The following GCC2 variants were observed in gnomAD, a reference collection of about 807,000 sequenced individuals.
GCC2 encodes GRIP and coiled-coil domain-containing protein 2.
GCC2 carries 120 observed loss-of-function variants against 210.6 expected under a neutral mutation model. That is an observed-to-expected ratio of 0.57 (90% CI 0.49 to 0.66). The LOEUF (loss-of-function observed/expected upper bound fraction) is 0.66. Ranked by LOEUF, GCC2 falls within the 30% of genes least tolerant of loss-of-function variation. The pLI, the probability that GCC2 is intolerant of heterozygous loss-of-function variation, is 0.00. For synonymous variants in GCC2, 703 were observed against 652.7 expected, an observed-to-expected ratio of 1.08 and a Z score of -1.17; for missense variants, 1,868 against 1,871.9, an observed-to-expected ratio of 1.00 and a Z score of 0.04.
At position 108,471,621 on chromosome 2, in the gene GCC2, A is replaced by G; in HGVS notation, c.2292A>G (p.Lys764=). The G allele has an allele frequency of 6.2e-7, 1 of 1,613,652 alleles. No individual in the cohort carries two copies. Among genetic ancestry groups the G allele is most frequent in the Non-Finnish European group, 8.5e-7 (1 of 1,179,662 alleles). The part of the protein sequence containing the change: ...FVKTQLYGFL[K]EMGSEVSEDS... ...AAACTCAGTTGTATGGTTTTCTTAA[A>G]GAAATGGGATCAGAAGTTTCAGAAG... is the stretch of plus-strand genomic sequence containing the variant. Residue 764 remains lysine (K), a synonymous_variant, in exon 6 of 23, where the codon AAA becomes AAG. Coordinates refer to ENST00000309863, the MANE Select transcript of GCC2 (RefSeq NM_181453.4).
At chr2:108,481,927 C>G in intron 10 of GCC2, 111 bp downstream of exon 10, 1 of 711,804 alleles carries the variant, frequency 1.4e-6, no homozygotes, top group South Asian at 2.3e-5. Flanking sequence ...TTTATTCCCC[C>G]CCCACTTTAC....
Position 108,471,579 on chromosome 2 carries a change from TCAG to T in GCC2, c.2251_2253del (p.Gln751del). ...ATAAACTGCTTGAAAATGAGCAAGT[TCAG>T]AAGTTATTTGTTAAAACTCAGTTGT... On this transcript the variant is annotated inframe_deletion, in exon 6 of 23. Transcript: ENST00000309863. 6.2e-7 allele frequency: 1 copy of T among 1,611,776 alleles called. No individual in the cohort carries two copies. The highest frequency in any genetic ancestry group is 8.5e-7 in the Non-Finnish European group (1 of 1,179,158).
At chr2:108,450,486 G>A (rs1024965696) in intron 2 of GCC2, among the ~76,000 whole-genome samples, 12 of 152,358 alleles carry the variant, frequency 7.9e-5, no homozygotes, top group African/African-American at 2.6e-4. Flanking sequence ...TGTAACATTA[G>A]CTATAAGAGG....
At chr2:108,465,799 A>G (rs956523244) in intron 4 of GCC2, among the ~76,000 whole-genome samples, 1 of 152,194 alleles carries the variant, frequency 6.6e-6, no homozygotes, top group Non-Finnish European at 1.5e-5. Context: ...ACTAATTTGC[A>G]TTCCCACCAG....
At chr2:108,462,658 G>T (rs1680665501) in intron 4 of GCC2, 1 of 147,126 alleles carries the variant, frequency 6.8e-6, no homozygotes, top group Non-Finnish European at 1.5e-5. Flanking sequence ...TACCTCCTGG[G>T]TTCAAGCGAT....
intron 22 of GCC2, among the ~76,000 whole-genome samples, chr2:108,501,179 G>C (rs1483653071): frequency 6.6e-6 from 1 of 151,868 alleles, no homozygotes; most frequent in East Asian, 1.9e-4. Flanking sequence ...TAGAGACGAG[G>C]TTTCACCATG....
intron 17 of GCC2, 70 bp from the exon 18 acceptor site, chr2:108,489,768 C>A: frequency 9.5e-7 from 1 of 1,047,268 alleles, no homozygotes; most frequent in South Asian, 1.7e-5. Context: ...AATGGTTAAA[C>A]TATATTTAAA....
intron 17 of GCC2, among the ~76,000 whole-genome samples, chr2:108,489,030 A>G (rs1315742585): frequency 6.6e-6 from 1 of 152,164 alleles, no homozygotes; most frequent in Non-Finnish European, 1.5e-5. Flanking sequence ...TGTTCCTTCT[A>G]CTTTCTTATA....
At position 108,471,680 on chromosome 2, in the gene GCC2, A is replaced by T; in HGVS notation, c.2351A>T (p.Gln784Leu). ...SEEKDVVNVL[Q>L]AVGESLAKIN... Reference sequence around the variant, plus strand: ...GAGAAAGATGTTGTTAATGTCCTACAGGCAGTCGGTGAATCCTTGGCAAAA... The same window carrying T: ...GAGAAAGATGTTGTTAATGTCCTACTGGCAGTCGGTGAATCCTTGGCAAAA... The change falls in exon 6 of 23, where the codon CAG becomes CTG. Residue 784 changes from glutamine (Q) to leucine (L), a missense_variant. By Grantham distance (113) the Gln-to-Leu change is moderately radical. Transcript: ENST00000309863. 6.2e-7 allele frequency: 1 copy of T among 1,613,718 alleles called. No individual in the cohort carries two copies. Among genetic ancestry groups the T allele is most frequent in the Non-Finnish European group, 8.5e-7 (1 of 1,179,714 alleles).
At chr2:108,449,363 G>A (rs1679773042) in intron 1 of GCC2, 83 bp downstream of exon 1, 2 of 1,511,828 alleles carry the variant, frequency 1.3e-6, no homozygotes, top group Admixed American at 2.1e-5. Context: ...ATGGGAGGGC[G>A]CGGTAGTCTC....
In GCC2 at chr2:108,449,668, C is replaced by T. The variant is rs1679804274; in HGVS notation, c.42C>T (p.Thr14=). 1.2e-6 allele frequency: 2 copies of T among 1,613,500 alleles called. No homozygotes were observed. Among genetic ancestry groups the T allele is most frequent in the African/African-American group, 1.3e-5 (1 of 74,830 alleles). ...LVQDGVASPA[T]PGTGKSKLET... ...AAGATGGGGTGGCTTCACCAGCTAC[C>T]CCTGGGACCGGGAAATCTAAGGTGA... Residue 14 remains threonine (T), a synonymous_variant, in exon 2 of 23, where the codon ACC becomes ACT. Coordinates refer to ENST00000309863, the MANE Select transcript of GCC2 (RefSeq NM_181453.4).
chr2:108,495,409 T>C lies in GCC2; in HGVS notation c.4566T>C (p.Asp1522=). ...REEGEGMETT[D]TESVSSASTY... ...AGGGAGAAGGCATGGAGACAACTGA[T>C]ACGGAGTCTGTGTCTTCCGCCAGCA... The change falls in exon 20 of 23, where the codon GAT becomes GAC. Residue 1522 remains aspartate (D), a synonymous_variant. Coordinates refer to ENST00000309863, the MANE Select transcript of GCC2 (RefSeq NM_181453.4). 1.3e-6 allele frequency: 2 copies of C among 1,590,754 alleles called. No individual in the cohort carries two copies. Among genetic ancestry groups the C allele is most frequent in the Non-Finnish European group, 1.7e-6 (2 of 1,174,654 alleles).
At position 108,452,392 on chromosome 2, in the gene GCC2, T is replaced by G; in HGVS notation, c.149-7T>G. 1 of 1,432,174 alleles carries G rather than the reference T, an allele frequency of 7.0e-7. No homozygotes were observed. The highest frequency in any genetic ancestry group is 9.8e-7 in the Non-Finnish European group (1 of 1,016,406). The allele number at this position is 1,432,174 out of a possible 1,614,324, so 88.7% of individuals were successfully genotyped here. The stretch of plus-strand genomic sequence containing the variant: ...GAACCGGAGTCCTTTATTTTTTAAT[T>G]GTTTAGAATTGGAGAAAGAAATTGA... On this transcript the variant is annotated splice_region_variant and splice_polypyrimidine_tract_variant and intron_variant, in intron 3 of 22. Coordinates refer to ENST00000309863, the MANE Select transcript of GCC2 (RefSeq NM_181453.4).
Position 108,483,173 on chromosome 2 carries a change from T to C in GCC2, c.3450+7T>C. The C allele has an allele frequency of 7.9e-7, 1 of 1,263,666 alleles. No homozygotes were observed. The highest frequency in any genetic ancestry group is 1.2e-6 in the Non-Finnish European group (1 of 864,488). The allele number at this position is 1,263,666 out of a possible 1,614,324, so 78.3% of individuals were successfully genotyped here. A position where few individuals can be genotyped will look rare whatever the true frequency, so the allele number is the denominator to read the frequency against. ...ATTAGAGCTGGTTAAAAAGGTAAAA[T>C]AAAACACTAGGATCAAAATTGATGT... On this transcript the variant is annotated splice_region_variant and intron_variant, in intron 12 of 22. Coordinates refer to ENST00000309863, the MANE Select transcript of GCC2 (RefSeq NM_181453.4).
chr2:108,506,159 TA>T (rs1295685746), intron 22 of GCC2, among the ~76,000 whole-genome samples: 3 of 152,166 alleles, frequency 2.0e-5, no homozygotes, highest in Admixed American at 6.6e-5. Flanking sequence ...AACATTTAAT[TA>T]AAAACCTGTA....
intron 20 of GCC2, chr2:108,496,202 T>C (rs1682641378): frequency 1.3e-5 from 2 of 151,502 alleles, no homozygotes; most frequent in Non-Finnish European, 2.9e-5. Context: ...CTCTCACGCT[T>C]CCAAGAAACT....
intron 4 of GCC2, among the ~76,000 whole-genome samples, chr2:108,457,205 A>G (rs1226550245): frequency 6.6e-6 from 1 of 152,156 alleles, no homozygotes; most frequent in East Asian, 1.9e-4. Flanking sequence ...TCTTCTGCAT[A>G]TAGTTACCTG....
chr2:108,472,434 G>A (rs977145973), intron 6 of GCC2, among the ~76,000 whole-genome samples: 1 of 152,048 alleles, frequency 6.6e-6, no homozygotes, highest in African/African-American at 2.4e-5. Context: ...TTTCATTCTC[G>A]TGTGATATGC....
intron 17 of GCC2, 73 bp from the exon 18 acceptor site, chr2:108,489,765 A>G: frequency 4.0e-6 from 4 of 1,005,818 alleles, no homozygotes; most frequent in Middle Eastern, 2.8e-4. Flanking sequence ...TTAAATGGTT[A>G]AACTATATTT....
Sources: allele counts gnomAD v4.1 joint callset (sites outside exome capture counted in the v4.1 genomes callset), GRCh38; gene constraint gnomAD v4.1.1; transcripts MANE v1.5; gene names NCBI Gene and HGNC (gene_info 2026-07-23, HGNC 2026-07-21).